KCNIP4: variants seen among roughly 807,000 people sequenced by gnomAD.
KCNIP4 encodes Kv channel-interacting protein 4.
KCNIP4 carries 12 observed loss-of-function variants against 34.0 expected under a neutral mutation model. The ratio of observed to expected loss-of-function variants is 0.35; its 90% CI spans 0.23 to 0.57. The LOEUF (loss-of-function observed/expected upper bound fraction) is 0.57, where lower values mean the gene tolerates loss of function less well. Ranked by LOEUF, KCNIP4 falls within the 20% of genes least tolerant of loss-of-function variation. The pLI, the probability that KCNIP4 is intolerant of heterozygous loss-of-function variation, is 0.83. For missense variants in KCNIP4, 238 were observed against 311.7 expected, an observed-to-expected ratio of 0.76 and a Z score of 1.78; for synonymous variants, 124 against 102.2, an observed-to-expected ratio of 1.21 and a Z score of -1.29.
intron 1 of KCNIP4, among the ~76,000 whole-genome samples, chr4:21,321,087 A>G (rs750923487): frequency 2.0e-4 from 30 of 152,202 alleles, no homozygotes; most frequent in Non-Finnish European, 2.8e-4. Context: ...GCATTTTTTA[A>G]TCTACTTCAA....
Position 21,015,796 on chromosome 4 carries a change from T to A in KCNIP4, c.62-133087A>T, listed in dbSNP as rs938967345. 1.7e-3 allele frequency among the ~76,000 whole-genome samples: 234 copies of A among 136,360 alleles called. 6 individuals carry two copies. The South Asian group carries it at 0.046, about 27-fold the overall frequency. 89.5% of individuals were successfully genotyped at this position (136,360 alleles called of 152,430 possible). A position where few individuals can be genotyped will look rare whatever the true frequency, so the allele number is the denominator to read the frequency against. ...ACATTTATAAATATATAAATATATA[T>A]AAATATATACTATATATACCATATA... On this transcript the variant is annotated intron_variant, in intron 1 of 8. Coordinates refer to ENST00000382152, the MANE Select transcript of KCNIP4 (RefSeq NM_025221.6).
chr4:21,763,778 A>G (rs199923990), intron 1 of KCNIP4, among the ~76,000 whole-genome samples: 2 of 152,310 alleles, frequency 1.3e-5, no homozygotes, highest in East Asian at 3.9e-4. Flanking sequence ...CTTGTTATAT[A>G]CATCTTCCTT....
rs566287607 is a variant in KCNIP4, at chr4:21,757,916, C to A, written c.61+190655G>T. 2.1e-3 allele frequency among the ~76,000 whole-genome samples: 325 copies of A among 152,220 alleles called. 1 individual carries two copies. Among genetic ancestry groups the A allele is most frequent in the African/African-American group, 7.6e-3 (316 of 41,542 alleles). On this transcript the variant is annotated intron_variant, in intron 1 of 8. Coordinates refer to ENST00000382152, the MANE Select transcript of KCNIP4 (RefSeq NM_025221.6). ...TAGTCCATGCAGATGAAAAGACATGCGTTGGTGTGTGACTCCTAACTACTA... is the reference window on the plus strand; with the variant it reads ...TAGTCCATGCAGATGAAAAGACATGAGTTGGTGTGTGACTCCTAACTACTA...
intron 1 of KCNIP4, among the ~76,000 whole-genome samples, chr4:21,407,448 A>G (rs941138484): frequency 1.3e-5 from 2 of 152,116 alleles, no homozygotes; most frequent in African/African-American, 4.8e-5. Flanking sequence ...GAAGTAGGAA[A>G]TTTGTCTCTT....
intron 1 of KCNIP4, among the ~76,000 whole-genome samples, chr4:21,034,067 AG>A (rs1372293171): frequency 2.6e-5 from 4 of 152,230 alleles, no homozygotes; most frequent in African/African-American, 9.6e-5. Flanking sequence ...ATTTGCAAAA[AG>A]GGCTATAGCA....
intron 1 of KCNIP4, among the ~76,000 whole-genome samples, chr4:21,507,093 A>G (rs563857505): frequency 1.4e-4 from 22 of 152,000 alleles, no homozygotes; most frequent in African/African-American, 5.3e-4. Context: ...CGGCAATAAT[A>G]CTTTTTCTTT....
At chr4:20,798,256 A>T (rs1355853066) in intron 3 of KCNIP4, among the ~76,000 whole-genome samples, 1 of 152,224 alleles carries the variant, frequency 6.6e-6, no homozygotes, top group African/African-American at 2.4e-5. Context: ...AAATACACAT[A>T]CTGCAGATAC....
At chr4:21,174,705 G>C (rs944916579) in intron 1 of KCNIP4, among the ~76,000 whole-genome samples, 1 of 152,130 alleles carries the variant, frequency 6.6e-6, no homozygotes, top group East Asian at 1.9e-4. Flanking sequence ...CTCAGATCAA[G>C]ACCAGCCTGG....
At chr4:21,595,523 G>A (rs1198637207) in intron 1 of KCNIP4, among the ~76,000 whole-genome samples, 2 of 151,892 alleles carry the variant, frequency 1.3e-5, no homozygotes, top group Admixed American at 6.6e-5. Context: ...GGGATTGCTG[G>A]GTCAAATAGT....
chr4:21,320,964 T>TTAAAAAAAAAAAAAAAAAAAAAAAAA (rs1553860312), intron 1 of KCNIP4, among the ~76,000 whole-genome samples: 5 of 102,918 alleles, frequency 4.9e-5, no homozygotes, highest in East Asian at 2.6e-4. Flanking sequence ...GAATCTGTCT[T>TTAAAAAAAAAAAAAAAAAAAAAAAAA]AAAAAAAAAA....
At chr4:20,928,354 A>G (rs1396596213) in intron 1 of KCNIP4, among the ~76,000 whole-genome samples, 1 of 151,970 alleles carries the variant, frequency 6.6e-6, no homozygotes, top group Non-Finnish European at 1.5e-5. Context: ...ATGAAAATTA[A>G]ACCACATGCT....
chr4:21,835,563 C>T lies in KCNIP4; in HGVS notation c.61+113008G>A, dbSNP rs73256576. Among the ~76,000 whole-genome samples, 526 of 145,118 alleles carry T rather than the reference C, an allele frequency of 3.6e-3. 1 individual carries two copies. The highest frequency in any genetic ancestry group is 0.021 in the Middle Eastern group (6 of 284). ...GTGCACCAACTTTAGAAAAGTTTTT[C>T]CAAATGTTTTCTTACGTTTTTTTTT... is the stretch of plus-strand genomic sequence containing the variant. On this transcript the variant is annotated intron_variant, in intron 1 of 8. Transcript: ENST00000382152.
intron 1 of KCNIP4, among the ~76,000 whole-genome samples, chr4:21,021,681 C>A (rs1740051231): frequency 1.3e-5 from 2 of 152,094 alleles, no homozygotes; most frequent in African/African-American, 4.8e-5. Context: ...CACATCTTGT[C>A]CTGCTGGAAG....
intron 4 of KCNIP4, among the ~76,000 whole-genome samples, chr4:20,754,417 A>T (rs1754156886): frequency 6.6e-6 from 1 of 152,162 alleles, no homozygotes; most frequent in Non-Finnish European, 1.5e-5. Context: ...CATTCAGACC[A>T]TCATCCTGAA....
intron 1 of KCNIP4, among the ~76,000 whole-genome samples, chr4:21,387,758 C>T (rs916845165): frequency 3.3e-5 from 5 of 152,146 alleles, no homozygotes; most frequent in Non-Finnish European, 7.3e-5. Context: ...ACCTTCCTCT[C>T]TTCATAGATT....
chr4:20,768,568 G>C (rs1346643172), intron 3 of KCNIP4, among the ~76,000 whole-genome samples: 10 of 152,156 alleles, frequency 6.6e-5, no homozygotes. Flanking sequence ...ATGCCCAGGT[G>C]TTTGAACTCC....
At chr4:21,457,488 G>A (rs1469584750) in intron 1 of KCNIP4, among the ~76,000 whole-genome samples, 1 of 151,970 alleles carries the variant, frequency 6.6e-6, no homozygotes. Context: ...CTCATCTTCT[G>A]AGCTTCTCCA....
chr4:21,602,573 T>A lies in KCNIP4; in HGVS notation c.61+345998A>T, dbSNP rs184085485. On this transcript the variant is annotated intron_variant, in intron 1 of 8. Transcript: ENST00000382152. Reference sequence around the variant, plus strand: ...ACATGTATAGAAAGATACACACACATAAGGTATGAATAATCCTCAAGTACA... The same window carrying A: ...ACATGTATAGAAAGATACACACACAAAAGGTATGAATAATCCTCAAGTACA... Among the ~76,000 whole-genome samples, 63 of 152,290 alleles carry A rather than the reference T, an allele frequency of 4.1e-4. No individual in the cohort carries two copies. The East Asian group carries it at 0.012, about 29-fold the overall frequency.
chr4:21,374,350 A>G (rs1177496075), intron 1 of KCNIP4, among the ~76,000 whole-genome samples: 2 of 147,268 alleles, frequency 1.4e-5, no homozygotes, highest in African/African-American at 2.7e-5. Context: ...AGCAGGCAAG[A>G]GAGAGAATGA....
Sources: gnomAD v4.1 joint callset for allele counts (sites outside exome capture counted in the v4.1 genomes callset) on GRCh38, gnomAD v4.1.1 for gene constraint, MANE v1.5 for transcripts, NCBI Gene and HGNC (gene_info 2026-07-23, HGNC 2026-07-21) for gene names.